The following TTC28 variants were observed in gnomAD, a reference collection of about 807,000 sequenced individuals.
TTC28 encodes tetratricopeptide repeat protein 28.
Under a neutral mutation model 198.0 loss-of-function variants are expected in TTC28, and 61 were observed. The observed-to-expected ratio is 0.31, with a 90% CI of 0.25 to 0.38. The LOEUF (loss-of-function observed/expected upper bound fraction) is 0.38, where lower values mean the gene tolerates loss of function less well. Ranked by LOEUF, TTC28 falls within the 10% of genes least tolerant of loss-of-function variation. TTC28 has a pLI of 1.00. For missense variants in TTC28, 2,678 were observed against 3,164.0 expected (o/e 0.85, Z 3.69); for synonymous variants, 1,171 against 1,297.8 (o/e 0.90, Z 2.10).
chr22:28,003,894 C>T (rs1482913195), intron 14 of TTC28, among the ~76,000 whole-genome samples: 1 of 152,210 alleles, frequency 6.6e-6, no homozygotes, highest in Non-Finnish European at 1.5e-5. Context: ...CCAAGCTGGG[C>T]CTCGACTTTC....
chr22:28,527,291 T>G (rs2049021413), intron 2 of TTC28, among the ~76,000 whole-genome samples: 1 of 152,082 alleles, frequency 6.6e-6, no homozygotes, highest in Non-Finnish European at 1.5e-5. Context: ...CTCCCAAAAG[T>G]TTGTCTCCTT....
intron 1 of TTC28, among the ~76,000 whole-genome samples, chr22:28,644,173 G>A (rs1011625045): frequency 6.6e-6 from 1 of 152,002 alleles, no homozygotes; most frequent in African/African-American, 2.4e-5. Flanking sequence ...GCCGAGGCAG[G>A]CGGATCACGA....
At chr22:28,053,140 G>A (rs760197277) in intron 12 of TTC28, among the ~76,000 whole-genome samples, 3 of 152,256 alleles carry the variant, frequency 2.0e-5, no homozygotes, top group African/African-American at 7.2e-5. Context: ...GTAAAGAAAT[G>A]CAAAGAACGA....
intron 12 of TTC28, among the ~76,000 whole-genome samples, chr22:28,047,340 T>C (rs1939907420): frequency 6.6e-6 from 1 of 151,876 alleles, no homozygotes; most frequent in South Asian, 2.1e-4. Flanking sequence ...GCTGCTAGAG[T>C]TCACTGGGGT....
Position 27,981,991 on chromosome 22 carries a change from C to T in TTC28, c.*230G>A. The T allele has an allele frequency of 2.3e-6, 1 of 428,742 alleles. No individual in the cohort carries two copies. The allele number at this position is 428,742 out of a possible 1,614,324, so 26.6% of individuals were successfully genotyped here. On this transcript the variant is annotated 3_prime_UTR_variant, in exon 23 of 23. Coordinates refer to ENST00000397906, the MANE Select transcript of TTC28 (RefSeq NM_001145418.2). ...ATTTGGTGAAGTGTGTAGGAAATTC[C>T]ATGAGCCTCCTGTACCAGCCCCACA...
intron 5 of TTC28, among the ~76,000 whole-genome samples, chr22:28,251,772 A>C (rs574067510): frequency 1.4e-3 from 215 of 152,334 alleles, no homozygotes; most frequent in Admixed American, 2.4e-3. Context: ...AAGGGCTATG[A>C]GATAGGGAAG....
chr22:28,048,107 G>C (rs1439246988), intron 12 of TTC28, among the ~76,000 whole-genome samples: 1 of 151,322 alleles, frequency 6.6e-6, no homozygotes, highest in Non-Finnish European at 1.5e-5. Flanking sequence ...GGGTAAGGAG[G>C]TTTTTTTCTG....
chr22:28,336,590 T>C (rs2045723866), intron 2 of TTC28, among the ~76,000 whole-genome samples: 1 of 152,214 alleles, frequency 6.6e-6, no homozygotes, highest in South Asian at 2.1e-4. Context: ...TCGAGGAATT[T>C]ATCCATTTCT....
At chr22:28,317,432 A>T (rs1217739369) in intron 2 of TTC28, among the ~76,000 whole-genome samples, 1 of 152,228 alleles carries the variant, frequency 6.6e-6, no homozygotes, top group African/African-American at 2.4e-5. Flanking sequence ...ACCTAGTTAG[A>T]TTCAGGCGAT....
At position 28,163,502 on chromosome 22, in the gene TTC28, G is replaced by A. The variant is rs1366620349; in HGVS notation, c.1031C>T (p.Ala344Val). ...AGAAAGTTCATCTTTGGATTGCTTGGCAAGAAGAACACACTGTTTGTGACT... is the reference window on the plus strand; with the variant it reads ...AGAAAGTTCATCTTTGGATTGCTTGACAAGAAGAACACACTGTTTGTGACT... ...LASHKQCVLL[A>V]KQSKDELSEA... is the part of the protein sequence containing the mutation. Residue 344 changes from alanine (A) to valine (V), a missense_variant, in exon 6 of 23, where the codon GCC becomes GTC. Ala to Val is a moderately conservative substitution (Grantham distance 64, BLOSUM62 0). Coordinates refer to ENST00000397906, the MANE Select transcript of TTC28 (RefSeq NM_001145418.2). 3 of 1,551,744 alleles carry A rather than the reference G, an allele frequency of 1.9e-6. No individual in the cohort carries two copies. In the East Asian group the frequency reaches 7.3e-5, roughly 38 times the overall value.
chr22:28,455,242 T>C (rs888597773), intron 2 of TTC28, among the ~76,000 whole-genome samples: 36 of 152,168 alleles, frequency 2.4e-4, no homozygotes, highest in African/African-American at 8.7e-4. Flanking sequence ...TAGGTACATA[T>C]CATAAATGGC....
Position 27,982,410 on chromosome 22 carries a change from C to T in TTC28, c.7257G>A (p.Gln2419=), listed in dbSNP as rs375923559. ...CTTTCGGTGGAGCTCCGTCATGCTG[C>T]TGCAGGGACAGCTCCTTCAGTTCAA... is the stretch of plus-strand genomic sequence containing the variant. ...DKLELKELSL[Q]QHDGAPPKAP... The change falls in exon 23 of 23, where the codon CAG becomes CAA. Residue 2419 remains glutamine (Q), a synonymous_variant. Transcript: ENST00000397906. This position sits in a 1 kb window ranked among gnomAD's most constrained non-coding sequence, Gnocchi z 5.2. 6.4e-7 allele frequency: 1 copy of T among 1,551,434 alleles called. No homozygotes were observed. The highest frequency in any genetic ancestry group is 1.4e-5 in the African/African-American group (1 of 73,110).
At chr22:28,358,782 G>C (rs766105533) in intron 2 of TTC28, among the ~76,000 whole-genome samples, 9 of 152,142 alleles carry the variant, frequency 5.9e-5, no homozygotes, top group African/African-American at 1.2e-4. Flanking sequence ...GTCTATAATG[G>C]AGGAGCTACA....
chr22:28,046,857 A>G (rs761242135), intron 12 of TTC28, among the ~76,000 whole-genome samples: 22 of 152,160 alleles, frequency 1.4e-4, no homozygotes, highest in Non-Finnish European at 2.6e-4. Context: ...ATATACGTGC[A>G]TGTGTGTTTG....
chr22:28,237,508 A>C (rs1007745566), intron 5 of TTC28, among the ~76,000 whole-genome samples: 3 of 152,220 alleles, frequency 2.0e-5, no homozygotes, highest in African/African-American at 7.2e-5. Flanking sequence ...TAAGAATCTT[A>C]CAACGGTATG....
chr22:28,500,840 G>T (rs2048527678), intron 2 of TTC28, among the ~76,000 whole-genome samples: 1 of 152,156 alleles, frequency 6.6e-6, no homozygotes, highest in Non-Finnish European at 1.5e-5. Context: ...ACAAAGTGAG[G>T]CAAGAGGAAG....
At chr22:28,314,271 A>G (rs1034902205) in intron 2 of TTC28, among the ~76,000 whole-genome samples, 1 of 152,236 alleles carries the variant, frequency 6.6e-6, no homozygotes, top group Non-Finnish European at 1.5e-5. Context: ...CAATATTGTG[A>G]AAATGGCCTT....
chr22:28,058,618 G>T (rs771914736), intron 12 of TTC28, among the ~76,000 whole-genome samples: 2 of 151,988 alleles, frequency 1.3e-5, no homozygotes, highest in Non-Finnish European at 2.9e-5. Flanking sequence ...TGGTATTAGG[G>T]TTATAATACA....
intron 2 of TTC28, among the ~76,000 whole-genome samples, chr22:28,407,330 T>C (rs553086757): frequency 2.0e-5 from 3 of 152,238 alleles, no homozygotes; most frequent in Non-Finnish European, 2.9e-5. Flanking sequence ...CCAAGGCTTA[T>C]GGTATTTTTG....
Sources: allele counts gnomAD v4.1 joint callset (sites outside exome capture counted in the v4.1 genomes callset), GRCh38; gene constraint gnomAD v4.1.1; non-coding constraint Gnocchi (gnomAD v3.1); transcripts MANE v1.5; gene names NCBI Gene and HGNC (gene_info 2026-07-23, HGNC 2026-07-21).